The following PTPRM variants were observed in gnomAD, a reference collection of about 807,000 sequenced individuals.
PTPRM encodes the protein receptor-type tyrosine-protein phosphatase mu.
In PTPRM, 47 loss-of-function variants were observed where a neutral mutation model predicts 186.7. That is an observed-to-expected ratio of 0.25 (90% confidence interval 0.20 to 0.32). The LOEUF is 0.32. Ranked by LOEUF, PTPRM falls within the 10% of genes least tolerant of loss-of-function variation. The probability of loss-of-function intolerance (pLI) is 1.00; values close to 1 mark genes in which losing one functional copy is unlikely to be tolerated. For synonymous variants in PTPRM, 668 were observed against 674.9 expected, an observed-to-expected ratio of 0.99 and a Z score of 0.16; for missense variants, 1,494 against 1,865.0, an observed-to-expected ratio of 0.80 and a Z score of 3.66.
chr18:8,048,327 A>G (rs892436574), intron 7 of PTPRM, among the ~76,000 whole-genome samples: 6 of 152,112 alleles, frequency 3.9e-5, no homozygotes, highest in African/African-American at 1.4e-4. Context: ...AATAATTTCA[A>G]GTTAGAACCT....
intron 13 of PTPRM, among the ~76,000 whole-genome samples, chr18:8,122,727 T>C (rs1472972278): frequency 2.0e-5 from 3 of 152,240 alleles, no homozygotes; most frequent in African/African-American, 7.2e-5. Flanking sequence ...TTTTTTACCT[T>C]GCCTGGTCTA....
intron 14 of PTPRM, among the ~76,000 whole-genome samples, chr18:8,189,044 A>G (rs964965657): frequency 6.6e-6 from 1 of 152,032 alleles, no homozygotes; most frequent in South Asian, 2.1e-4. Context: ...GGTGGCTCAC[A>G]CCTGTAATCC....
Position 7,716,560 on chromosome 18 carries a change from C to A in PTPRM, c.74-57589C>A, listed in dbSNP as rs8092766. ...GAGTGAACATGCAACCTCCAGAATG[C>A]GAGAAAATTTTTGCAATCTATCCAT... On this transcript the variant is annotated intron_variant, in intron 1 of 32. Coordinates refer to ENST00000580170, the MANE Select transcript of PTPRM (RefSeq NM_001105244.2). Among the ~76,000 whole-genome samples, 1,472 of 152,126 alleles carry A rather than the reference C, an allele frequency of 9.7e-3. 35 individuals carry two copies. The highest frequency in any genetic ancestry group is 0.034 in the African/African-American group (1,406 of 41,516).
chr18:7,836,879 T>A (rs2046078922), intron 2 of PTPRM, among the ~76,000 whole-genome samples: 2 of 152,194 alleles, frequency 1.3e-5, no homozygotes. Flanking sequence ...AACTCCATTG[T>A]ATGTTGTTTG....
At chr18:7,861,997 A>G (rs916903837) in intron 2 of PTPRM, among the ~76,000 whole-genome samples, 1 of 152,082 alleles carries the variant, frequency 6.6e-6, no homozygotes, top group African/African-American at 2.4e-5. Context: ...GCACATGGTC[A>G]TAAGGGACGA....
At chr18:8,089,955 G>T (rs1449014418) in intron 11 of PTPRM, among the ~76,000 whole-genome samples, 1 of 152,154 alleles carries the variant, frequency 6.6e-6, no homozygotes, top group East Asian at 1.9e-4. Context: ...TTATACTGTA[G>T]AATAATGCAA....
intron 1 of PTPRM, among the ~76,000 whole-genome samples, chr18:7,700,942 A>G (rs2039946874): frequency 1.4e-5 from 2 of 143,736 alleles, no homozygotes; most frequent in African/African-American, 5.2e-5. Context: ...GCACCACTGC[A>G]CTCCAGCCTG....
At chr18:7,598,114 C>G (rs1218144491) in intron 1 of PTPRM, among the ~76,000 whole-genome samples, 4 of 152,098 alleles carry the variant, frequency 2.6e-5, no homozygotes, top group Non-Finnish European at 5.9e-5. Flanking sequence ...ATTTAAAAAG[C>G]TATGTATTTA....
Position 7,876,781 on chromosome 18 carries a change from A to G in PTPRM, c.197-11325A>G, listed in dbSNP as rs534182734. ...TATTTATATATATACTTACAAGGAT[A>G]TAATGTTCCTCCTGAAGTTATCTAA... On this transcript the variant is annotated intron_variant, in intron 2 of 32. Coordinates refer to ENST00000580170, the MANE Select transcript of PTPRM (RefSeq NM_001105244.2). 2.0e-5 allele frequency among the ~76,000 whole-genome samples: 3 copies of G among 152,344 alleles called. No homozygotes were observed. The East Asian group carries it at 5.8e-4, about 29-fold the overall frequency.
intron 14 of PTPRM, among the ~76,000 whole-genome samples, chr18:8,233,254 A>G (rs932762204): frequency 2.6e-5 from 4 of 152,234 alleles, no homozygotes; most frequent in Non-Finnish European, 4.4e-5. Flanking sequence ...CTGTTTTTCA[A>G]AGTGGCTATG....
intron 1 of PTPRM, among the ~76,000 whole-genome samples, chr18:7,682,898 T>C (rs2039511883): frequency 6.6e-6 from 1 of 152,120 alleles, no homozygotes; most frequent in Non-Finnish European, 1.5e-5. Flanking sequence ...CTGGATACTT[T>C]TTTAGTGTTC....
At chr18:7,615,390 A>G (rs577528917) in intron 1 of PTPRM, among the ~76,000 whole-genome samples, 1 of 152,116 alleles carries the variant, frequency 6.6e-6, no homozygotes, top group Non-Finnish European at 1.5e-5. Flanking sequence ...GAGAGACGGG[A>G]TCACTCGCCC....
At chr18:8,182,632 T>C (rs2093591483) in intron 14 of PTPRM, among the ~76,000 whole-genome samples, 1 of 152,188 alleles carries the variant, frequency 6.6e-6, no homozygotes, top group Admixed American at 6.5e-5. Context: ...TCTTTATTTT[T>C]AGAAAGCATC....
intron 31 of PTPRM, among the ~76,000 whole-genome samples, chr18:8,389,243 C>A (rs1158401954): frequency 2.0e-5 from 3 of 152,166 alleles, no homozygotes; most frequent in African/African-American, 7.2e-5. Context: ...ATCGCTCCCC[C>A]CGGGATTAGC....
intron 1 of PTPRM, among the ~76,000 whole-genome samples, chr18:7,731,276 C>A (rs185197336): frequency 6.6e-6 from 1 of 152,240 alleles, no homozygotes; most frequent in East Asian, 1.9e-4. Flanking sequence ...AAGTTTTGTT[C>A]TTACTGGTAA....
At chr18:8,054,757 C>G (rs2087794949) in intron 7 of PTPRM, among the ~76,000 whole-genome samples, 1 of 151,338 alleles carries the variant, frequency 6.6e-6, no homozygotes, top group Non-Finnish European at 1.5e-5. Flanking sequence ...CTTCTAGCAT[C>G]TCAGACCTTC....
chr18:7,877,705 A>G (rs2146251015), intron 2 of PTPRM, among the ~76,000 whole-genome samples: 1 of 152,350 alleles, frequency 6.6e-6, no homozygotes, highest in African/African-American at 2.4e-5. Flanking sequence ...GTTTGGCTAC[A>G]GAGCTTAGCT....
intron 19 of PTPRM, among the ~76,000 whole-genome samples, chr18:8,291,126 C>T (rs1345900745): frequency 6.6e-6 from 1 of 152,170 alleles, no homozygotes; most frequent in Non-Finnish European, 1.5e-5. Context: ...TTGGTTCCCT[C>T]AGCCATCCCT....
At chr18:8,314,995 T>C (rs987668281) in intron 21 of PTPRM, 138 bp downstream of exon 21, 2 of 540,598 alleles carry the variant, frequency 3.7e-6, no homozygotes, top group Non-Finnish European at 6.4e-6. Context: ...CATTCTGACA[T>C]GTACCAGATT....
Sources: gnomAD v4.1 joint callset for allele counts (sites outside exome capture counted in the v4.1 genomes callset) on GRCh38, gnomAD v4.1.1 for gene constraint, MANE v1.5 for transcripts, NCBI Gene and HGNC (gene_info 2026-07-23, HGNC 2026-07-21) for gene names.